The following SMARCAD1 variants were observed in gnomAD, a reference collection of about 807,000 sequenced individuals.
The protein encoded by SMARCAD1 is SWI/SNF-related matrix-associated actin-dependent regulator of chromatin subfamily A containing DEAD/H box 1.
In SMARCAD1, 25 loss-of-function variants were observed where a neutral mutation model predicts 127.1. The ratio of observed to expected loss-of-function variants is 0.20; its 90% CI spans 0.14 to 0.27. The LOEUF (loss-of-function observed/expected upper bound fraction) is 0.27. Ranked by LOEUF, SMARCAD1 falls within the 10% of genes least tolerant of loss-of-function variation. SMARCAD1 has a pLI of 1.00. For missense variants in SMARCAD1, 807 were observed against 1,206.0 expected (o/e 0.67, Z 4.90); for synonymous variants, 400 against 396.9 (o/e 1.01, Z -0.09).
At chr4:94,238,352 T>C (rs1747032937) in intron 5 of SMARCAD1, among the ~76,000 whole-genome samples, 1 of 152,262 alleles carries the variant, frequency 6.6e-6, no homozygotes, top group Non-Finnish European at 1.5e-5. Flanking sequence ...AGTAAAGTAG[T>C]ATAATAGTGC....
At chr4:94,282,703 T>G (rs926649384) in intron 21 of SMARCAD1, among the ~76,000 whole-genome samples, 8 of 149,864 alleles carry the variant, frequency 5.3e-5, no homozygotes, top group African/African-American at 9.8e-5. Flanking sequence ...AAAGTAATGT[T>G]TTTTTTTTTT....
chr4:94,246,722 AGT>A (rs1748482232), intron 6 of SMARCAD1, among the ~76,000 whole-genome samples: 1 of 152,182 alleles, frequency 6.6e-6, no homozygotes, highest in Non-Finnish European at 1.5e-5. Context: ...ACATGATGTC[AGT>A]ATAGTGGATC....
intron 10 of SMARCAD1, among the ~76,000 whole-genome samples, chr4:94,265,562 G>C (rs1482963112): frequency 6.6e-6 from 1 of 151,558 alleles, no homozygotes; most frequent in African/African-American, 2.4e-5. Context: ...TTTTGTAATT[G>C]TGATCGCCCA....
intron 12 of SMARCAD1, 119 bp downstream of exon 12, chr4:94,273,835 T>G: frequency 5.5e-6 from 4 of 729,732 alleles, no homozygotes; most frequent in African/African-American, 1.8e-5. Flanking sequence ...TAGAGATGAA[T>G]ATTAATTTTA....
At chr4:94,214,405 G>A (rs1742809968) in intron 2 of SMARCAD1, among the ~76,000 whole-genome samples, 1 of 151,086 alleles carries the variant, frequency 6.6e-6, no homozygotes, top group African/African-American at 2.4e-5. Flanking sequence ...GGGACTACAG[G>A]TGCCCGCCAC....
At chr4:94,240,874 C>T (rs1267710207) in intron 5 of SMARCAD1, 32 bp from the exon 6 acceptor site, 1 of 1,545,852 alleles carries the variant, frequency 6.5e-7, no homozygotes, top group Non-Finnish European at 8.9e-7. Flanking sequence ...TATTTCTGTG[C>T]AAAGTTTGAG....
chr4:94,289,538 A>G lies in SMARCAD1; in HGVS notation c.*4A>G, dbSNP rs181564356. 6 of 1,610,476 alleles carry G rather than the reference A, an allele frequency of 3.7e-6. No homozygotes were observed. Among genetic ancestry groups the G allele is most frequent in the East Asian group, 2.2e-5 (1 of 44,776 alleles). On this transcript the variant is annotated 3_prime_UTR_variant, in exon 24 of 24. Coordinates refer to ENST00000354268, the MANE Select transcript of SMARCAD1 (RefSeq NM_020159.5). ...AAAAACATCAATGGGCCTGTGAAAT[A>G]AGAACTGTGAACTCTCAATTGATGA...
At chr4:94,208,743 T>C (rs2110507502) in intron 2 of SMARCAD1, among the ~76,000 whole-genome samples, 159 bp downstream of exon 2, 1 of 152,312 alleles carries the variant, frequency 6.6e-6, no homozygotes, top group East Asian at 1.9e-4. Context: ...ATAAGCACCA[T>C]GTACCCTCAA....
Position 94,281,453 on chromosome 4 carries a change from C to A in SMARCAD1, c.2608-19C>A, listed in dbSNP as rs1754014902. On this transcript the variant is annotated intron_variant, in intron 20 of 23. Coordinates refer to ENST00000354268, the MANE Select transcript of SMARCAD1 (RefSeq NM_020159.5). ...AAAACGATTTTTTCTATTTCTAATT[C>A]ATGTATGTATTTTCACAGGGTGATA... 1 of 1,502,220 alleles carries A rather than the reference C, an allele frequency of 6.7e-7. No individual in the cohort carries two copies. The highest frequency in any genetic ancestry group is 9.3e-7 in the Non-Finnish European group (1 of 1,078,510). 93.1% of individuals were successfully genotyped at this position (1,502,220 alleles called of 1,614,324 possible).
At chr4:94,268,151 ATTTCAATGTAATAAAACCATTT>A (rs1752012995) in intron 10 of SMARCAD1, among the ~76,000 whole-genome samples, 1 of 152,222 alleles carries the variant, frequency 6.6e-6, no homozygotes, top group Non-Finnish European at 1.5e-5. Context: ...TATAACAAAT[ATTTCAATGTAATAAAACCATTT>A]CATGTCCTGA....
Position 94,236,928 on chromosome 4 carries a change from A to G in SMARCAD1, c.538-24A>G, listed in dbSNP as rs754225045. The G allele has an allele frequency of 3.8e-6, 6 of 1,588,330 alleles. No homozygotes were observed. In the East Asian group the frequency reaches 1.3e-4, roughly 36 times the overall value. On this transcript the variant is annotated intron_variant, in intron 4 of 23. Transcript: ENST00000354268. ...AATTCTTAAAGTGCTGATTTAAAACATTAATCTTTTCTCGTTCTGTTAGTT... is the reference window on the plus strand; with the variant it reads ...AATTCTTAAAGTGCTGATTTAAAACGTTAATCTTTTCTCGTTCTGTTAGTT...
chr4:94,264,995 A>G, intron 10 of SMARCAD1, 89 bp downstream of exon 10: 3 of 1,292,384 alleles, frequency 2.3e-6, no homozygotes, highest in South Asian at 2.6e-5. Flanking sequence ...AGAAAGTGAT[A>G]TGGCAACTAG....
At chr4:94,220,170 G>A (rs2125815225) in intron 2 of SMARCAD1, among the ~76,000 whole-genome samples, 1 of 152,282 alleles carries the variant, frequency 6.6e-6, no homozygotes, top group South Asian at 2.1e-4. Flanking sequence ...AAATCTAAGT[G>A]TTCAGCACTA....
chr4:94,278,966 G>C lies in SMARCAD1; in HGVS notation c.2334G>C (p.Leu778Phe), dbSNP rs1274851786. 3 of 1,614,048 alleles carry C rather than the reference G, an allele frequency of 1.9e-6. No homozygotes were observed. Among genetic ancestry groups the C allele is most frequent in the Non-Finnish European group, 2.5e-6 (3 of 1,179,982 alleles). ...NTEMCNVMMQ[L>F]RKMANHPLLH... ...AAATGTGCAATGTCATGATGCAGTT[G>C]AGGAAAATGGCCAATCATCCTTTAT... The change falls in exon 19 of 24, where the codon TTG (leucine) becomes TTC (phenylalanine). Residue 778 changes from leucine (L) to phenylalanine (F), a missense_variant. By Grantham distance (22) the Leu-to-Phe change is conservative (BLOSUM62 0). Transcript: ENST00000354268.
In SMARCAD1 at chr4:94,252,834, C is replaced by A; in HGVS notation, c.1108C>A (p.Leu370Ile). The change falls in exon 9 of 24, where the codon CTA (leucine) becomes ATA (isoleucine). Residue 370 changes from leucine to isoleucine, a missense_variant. Leu to Ile is a conservative substitution (Grantham distance 5, BLOSUM62 2). This residue lies in a region of SMARCAD1 where 257 missense variants were observed against 303.4 expected (regional missense o/e 0.85). Transcript: ENST00000354268. The stretch of plus-strand genomic sequence containing the variant: ...TTCAGGTTCTGATGTCGGTAGTTCA[C>A]TAGATGAGGACTATAGTAGTGGTGA... ...YDSGSDVGSS[L>I]DEDYSSGEEV... 1.2e-6 allele frequency: 2 copies of A among 1,614,056 alleles called. No individual in the cohort carries two copies. Among genetic ancestry groups the A allele is most frequent in the South Asian group, 2.2e-5 (2 of 91,082 alleles).
intron 23 of SMARCAD1, among the ~76,000 whole-genome samples, chr4:94,288,002 A>T (rs58386866): frequency 0.04 from 6,120 of 151,786 alleles, 219 homozygotes; most frequent in African/African-American, 0.097. Flanking sequence ...ATATATATAT[A>T]TTTTTTTAAT....
rs924028077 is a variant in SMARCAD1, at chr4:94,290,577, A to G, written c.*1043A>G. ...TTTACCAGTTTCCAGAATTTCCAGTACAGGACCGCCTGAAGAGAGAGCCAT... is the reference window on the plus strand; with the variant it reads ...TTTACCAGTTTCCAGAATTTCCAGTGCAGGACCGCCTGAAGAGAGAGCCAT... On this transcript the variant is annotated 3_prime_UTR_variant, in exon 24 of 24. Transcript: ENST00000354268. 3 of 454,388 alleles carry G rather than the reference A, an allele frequency of 6.6e-6. No individual in the cohort carries two copies. Among genetic ancestry groups the G allele is most frequent in the African/African-American group, 6.0e-5 (3 of 50,014 alleles). 28.1% of individuals were successfully genotyped at this position (454,388 alleles called of 1,614,324 possible). A position where few individuals can be genotyped will look rare whatever the true frequency, so the allele number is the denominator to read the frequency against.
At position 94,252,784 on chromosome 4, in the gene SMARCAD1, G is replaced by A. The variant is rs1449315943; in HGVS notation, c.1058G>A (p.Arg353Lys). The change falls in exon 9 of 24, where the codon AGA becomes AAA. Residue 353 changes from arginine (R) to lysine (K), a missense_variant. Arg to Lys is a conservative substitution (Grantham distance 26). Transcript: ENST00000354268. Reference sequence around the variant, plus strand: ...AAAAAAAATGTTTTTAATCCAAAGAGAGTTGTTGAAGACTCTGAATATGAT... The same window carrying A: ...AAAAAAAATGTTTTTAATCCAAAGAAAGTTGTTGAAGACTCTGAATATGAT... ...KRKKNVFNPK[R>K]VVEDSEYDSG... The A allele has an allele frequency of 9.3e-6, 15 of 1,613,496 alleles. No homozygotes were observed. Among genetic ancestry groups the A allele is most frequent in the Admixed American group, 1.7e-5 (1 of 59,962 alleles).
At chr4:94,207,771 T>G (rs1051473749), upstream of SMARCAD1, 6 of 211,354 alleles carry the variant, frequency 2.8e-5, no homozygotes, top group South Asian at 4.0e-4. Context: ...AGCGAGCGAT[T>G]GAACGTTAAA....
Sources: allele counts gnomAD v4.1 joint callset (sites outside exome capture counted in the v4.1 genomes callset), GRCh38; gene constraint gnomAD v4.1.1; regional missense constraint gnomAD v4.1.1; transcripts MANE v1.5; gene names NCBI Gene and HGNC (gene_info 2026-07-23, HGNC 2026-07-21).